The following GALNTL6 variants were observed in gnomAD, a reference collection of about 807,000 sequenced individuals.
GALNTL6 encodes polypeptide N-acetylgalactosaminyltransferase like 6.
Under a neutral mutation model 73.7 loss-of-function variants are expected in GALNTL6, and 46 were observed. The ratio of observed to expected loss-of-function variants is 0.62; its 90% CI spans 0.49 to 0.80. The LOEUF (loss-of-function observed/expected upper bound fraction) is 0.80. Among genes scored for constraint, GALNTL6 ranks in the 30% least tolerant of loss-of-function variants. The probability of loss-of-function intolerance (pLI) is 0.00; values close to 1 mark genes in which losing one functional copy is unlikely to be tolerated. For synonymous variants in GALNTL6, 259 were observed against 263.7 expected, an observed-to-expected ratio of 0.98 and a Z score of 0.17; for missense variants, 604 against 755.0, an observed-to-expected ratio of 0.80 and a Z score of 2.34.
chr4:171,826,013 T>C (rs1004505577), intron 2 of GALNTL6, among the ~76,000 whole-genome samples: 2 of 152,202 alleles, frequency 1.3e-5, no homozygotes, highest in Non-Finnish European at 2.9e-5. Context: ...AAATATAGCT[T>C]AGTTGTGTCA....
At chr4:171,933,827 T>C (rs1738260774) in intron 2 of GALNTL6, among the ~76,000 whole-genome samples, 1 of 152,158 alleles carries the variant, frequency 6.6e-6, no homozygotes, top group Admixed American at 6.6e-5. Flanking sequence ...CCAGAGCCAG[T>C]TTTCACTAAT....
intron 5 of GALNTL6, among the ~76,000 whole-genome samples, chr4:172,783,085 A>G (rs1230123472): frequency 6.6e-6 from 1 of 151,640 alleles, no homozygotes; most frequent in Non-Finnish European, 1.5e-5. Context: ...CTTGAAACAT[A>G]ACCACCAAGG....
At chr4:171,829,435 C>T (rs1734908067) in intron 2 of GALNTL6, among the ~76,000 whole-genome samples, 4 of 152,112 alleles carry the variant, frequency 2.6e-5, no homozygotes, top group South Asian at 4.1e-4. Flanking sequence ...TTTGATACAG[C>T]TTACCCCGAG....
chr4:172,195,594 G>A (rs1735736949), intron 2 of GALNTL6, among the ~76,000 whole-genome samples: 1 of 152,110 alleles, frequency 6.6e-6, no homozygotes, highest in Admixed American at 6.5e-5. Context: ...CAGTCAAGCA[G>A]AACAAAGCAC....
chr4:172,739,650 G>T (rs1002019415), intron 5 of GALNTL6, among the ~76,000 whole-genome samples: 1 of 152,034 alleles, frequency 6.6e-6, no homozygotes, highest in Non-Finnish European at 1.5e-5. Context: ...AAATTGTATT[G>T]ATAGTACCCA....
chr4:171,992,350 C>A (rs1485087185), intron 2 of GALNTL6, among the ~76,000 whole-genome samples: 3 of 151,852 alleles, frequency 2.0e-5, no homozygotes, highest in Non-Finnish European at 4.4e-5. Context: ...ATTACAGAGG[C>A]CATTCAGTTA....
intron 3 of GALNTL6, among the ~76,000 whole-genome samples, chr4:172,234,086 C>T (rs1055583769): frequency 6.6e-6 from 1 of 151,978 alleles, no homozygotes; most frequent in Non-Finnish European, 1.5e-5. Flanking sequence ...TAACTCTTAA[C>T]ACTGATATGA....
chr4:172,542,499 G>A (rs1735595330), intron 5 of GALNTL6, among the ~76,000 whole-genome samples: 1 of 152,098 alleles, frequency 6.6e-6, no homozygotes, highest in African/African-American at 2.4e-5. Flanking sequence ...ATCTGCCTAA[G>A]TGATTTCTTC....
At chr4:172,990,155 C>T (rs955635575) in intron 10 of GALNTL6, among the ~76,000 whole-genome samples, 13 of 152,326 alleles carry the variant, frequency 8.5e-5, no homozygotes, top group Non-Finnish European at 1.8e-4. Context: ...GAAAGCATGT[C>T]ATTCCAATTT....
chr4:172,528,524 A>G lies in GALNTL6; in HGVS notation c.553+179835A>G, dbSNP rs903296447. ...AGGCACCTGCCACCACGCCCGGCTA[A>G]TTTTTTATATTTTTATAACACCATG... is the stretch of plus-strand genomic sequence containing the variant. On this transcript the variant is annotated intron_variant, in intron 5 of 12. Coordinates refer to ENST00000506823, the MANE Select transcript of GALNTL6 (RefSeq NM_001034845.3). 2.7e-5 allele frequency among the ~76,000 whole-genome samples: 4 copies of G among 150,810 alleles called. No homozygotes were observed. The East Asian group carries it at 7.9e-4, about 30-fold the overall frequency.
chr4:172,188,235 T>C (rs887075459), intron 2 of GALNTL6, among the ~76,000 whole-genome samples: 1 of 152,192 alleles, frequency 6.6e-6, no homozygotes, highest in Non-Finnish European at 1.5e-5. Flanking sequence ...TGTTCACAAA[T>C]TGTTTCATGC....
chr4:171,919,909 G>A (rs140183732), intron 2 of GALNTL6, among the ~76,000 whole-genome samples: 6,034 of 152,132 alleles, frequency 0.04, 348 homozygotes, highest in African/African-American at 0.12. Context: ...ATTACTGGGT[G>A]TATACTGAAA....
At chr4:171,822,639 A>G (rs1193233644) in intron 2 of GALNTL6, among the ~76,000 whole-genome samples, 2 of 152,196 alleles carry the variant, frequency 1.3e-5, no homozygotes, top group African/African-American at 4.8e-5. Flanking sequence ...ATAATAAAAT[A>G]CATAAAATCT....
chr4:171,843,160 A>T (rs1266813975), intron 2 of GALNTL6, among the ~76,000 whole-genome samples: 1 of 152,086 alleles, frequency 6.6e-6, no homozygotes, highest in East Asian at 1.9e-4. Flanking sequence ...ATGGTTTTTT[A>T]TGCTAAATTT....
intron 2 of GALNTL6, among the ~76,000 whole-genome samples, chr4:172,153,938 C>T (rs1044880385): frequency 5.3e-5 from 8 of 152,150 alleles, no homozygotes; most frequent in South Asian, 2.1e-4. Flanking sequence ...TGAGGCTGCC[C>T]GGGAACATTT....
chr4:172,089,311 T>C (rs773996354), intron 2 of GALNTL6, among the ~76,000 whole-genome samples: 1 of 152,174 alleles, frequency 6.6e-6, no homozygotes, highest in Admixed American at 6.5e-5. Context: ...TGCAAAGATT[T>C]TTTTATCTGA....
chr4:172,851,417 TACAC>T lies in GALNTL6; in HGVS notation c.924-31363_924-31360del, dbSNP rs3087059. On this transcript the variant is annotated intron_variant, in intron 7 of 12. Transcript: ENST00000506823. The stretch of plus-strand genomic sequence containing the variant: ...GTATGTACTTACATATATATATATA[TACAC>T]ACACACACATATATATATCACACAT... 3.3e-5 allele frequency among the ~76,000 whole-genome samples: 5 copies of T among 150,892 alleles called. No individual in the cohort carries two copies. In the East Asian group the frequency reaches 5.9e-4, roughly 18 times the overall value.
intron 5 of GALNTL6, among the ~76,000 whole-genome samples, chr4:172,537,710 A>T (rs1228242913): frequency 6.6e-6 from 1 of 152,202 alleles, no homozygotes; most frequent in Non-Finnish European, 1.5e-5. Flanking sequence ...CCACATGCAT[A>T]GAAGAGTTCT....
At chr4:172,016,693 G>T (rs1741206358) in intron 2 of GALNTL6, among the ~76,000 whole-genome samples, 2 of 151,744 alleles carry the variant, frequency 1.3e-5, no homozygotes, top group African/African-American at 4.8e-5. Context: ...CTTCTCATTT[G>T]GGTAGACTAT....
Sources: allele counts gnomAD v4.1 joint callset (sites outside exome capture counted in the v4.1 genomes callset), GRCh38; gene constraint gnomAD v4.1.1; transcripts MANE v1.5; gene names NCBI Gene and HGNC (gene_info 2026-07-23, HGNC 2026-07-21).